Variants in EP400 observed in about 807,000 individuals in gnomAD.
EP400 encodes the protein E1A-binding protein p400.
EP400 carries 105 observed loss-of-function variants against 354.1 expected under a neutral mutation model. The ratio of observed to expected loss-of-function variants is 0.30; its 90% CI spans 0.25 to 0.35. The LOEUF is 0.35. Ranked by LOEUF, EP400 falls within the 10% of genes least tolerant of loss-of-function variation. The pLI is 1.00. For synonymous variants in EP400, 1,646 were observed against 1,716.9 expected, an observed-to-expected ratio of 0.96 and a Z score of 1.02; for missense variants, 3,280 against 4,121.0, an observed-to-expected ratio of 0.80 and a Z score of 5.59.
chr12:131,970,283 T>C (rs1297711452), intron 2 of EP400, among the ~76,000 whole-genome samples: 1 of 152,254 alleles, frequency 6.6e-6, no homozygotes, highest in Non-Finnish European at 1.5e-5. Context: ...TCAGAATTCC[T>C]GTTCCATGCA....
intron 34 of EP400, 92 bp from the exon 35 acceptor site, chr12:132,044,085 T>C: frequency 6.5e-7 from 1 of 1,546,740 alleles, no homozygotes; most frequent in Non-Finnish European, 8.8e-7. Flanking sequence ...AACATGTGGC[T>C]CTGAGACAAC....
chr12:132,074,618 C>T (rs1896175280), intron 51 of EP400, among the ~76,000 whole-genome samples: 2 of 152,212 alleles, frequency 1.3e-5, no homozygotes, highest in Non-Finnish European at 2.9e-5. Flanking sequence ...CCCTGTCCTG[C>T]TTCCTCTGCC....
At chr12:132,042,140 G>A (rs549154462) in intron 32 of EP400, among the ~76,000 whole-genome samples, 1 of 151,848 alleles carries the variant, frequency 6.6e-6, no homozygotes, top group African/African-American at 2.4e-5. Flanking sequence ...TAATAGAGAC[G>A]TGGTTTCTCC....
chr12:132,062,809 A>G, intron 47 of EP400, 108 bp downstream of exon 47: 2 of 1,385,776 alleles, frequency 1.4e-6, no homozygotes, highest in African/African-American at 1.4e-5. Flanking sequence ...GTATTTTGCA[A>G]ACGTCTAGCA....
At chr12:131,963,704 T>A in intron 2 of EP400, 15 of 1,314,992 alleles carry the variant, frequency 1.1e-5, no homozygotes, top group Non-Finnish European at 1.6e-5. Flanking sequence ...CCAGATATTT[T>A]AACCTTCGAT....
chr12:132,001,813 G>C (rs1165639457), intron 12 of EP400, among the ~76,000 whole-genome samples: 1 of 152,140 alleles, frequency 6.6e-6, no homozygotes, highest in Non-Finnish European at 1.5e-5. Context: ...GTATGGGCTG[G>C]CTTTTCCTAG....
At position 132,013,304 on chromosome 12, in the gene EP400, C is replaced by T; in HGVS notation, c.3611+126C>T. On this transcript the variant is annotated intron_variant, in intron 17 of 52. Coordinates refer to ENST00000389561, the MANE Select transcript of EP400 (RefSeq NM_015409.5). The surrounding 1 kb of genome is among the most constrained non-coding windows in gnomAD (Gnocchi z 4.5). ...GAGCTAGAGAATTGCTTTTCATCTT[C>T]ATCCCAGCACATGGGCCAGAGAGCC... 7.0e-7 allele frequency: 1 copy of T among 1,420,922 alleles called. No homozygotes were observed. The highest frequency in any genetic ancestry group is 9.4e-7 in the Non-Finnish European group (1 of 1,064,172). The allele number at this position is 1,420,922 out of a possible 1,614,324, so 88.0% of individuals were successfully genotyped here. A position where few individuals can be genotyped will look rare whatever the true frequency, so the allele number is the denominator to read the frequency against.
At chr12:131,988,432 C>G (rs180967054) in intron 7 of EP400, among the ~76,000 whole-genome samples, 74 of 152,240 alleles carry the variant, frequency 4.9e-4, no homozygotes, top group African/African-American at 1.7e-3. Flanking sequence ...TGGGGCTGTT[C>G]AGGGAGCTGA....
At chr12:131,984,247 G>A (rs1892779504) in intron 5 of EP400, among the ~76,000 whole-genome samples, 1 of 152,134 alleles carries the variant, frequency 6.6e-6, no homozygotes, top group East Asian at 1.9e-4. Flanking sequence ...AGTATATAAC[G>A]ATGAAATAAT....
intron 41 of EP400, among the ~76,000 whole-genome samples, chr12:132,051,960 T>A (rs1242586796): frequency 6.6e-6 from 1 of 152,234 alleles, no homozygotes; most frequent in Admixed American, 6.5e-5. Flanking sequence ...CTGGTGGCCC[T>A]GTCCGGGCAT....
chr12:132,056,426 C>CACACAA, intron 45 of EP400, among the ~76,000 whole-genome samples: 1 of 111,176 alleles, frequency 9.0e-6, no homozygotes, highest in African/African-American at 6.1e-5. Flanking sequence ...ACAACACACG[C>CACACAA]ACACACACAC....
chr12:132,023,645 C>A, intron 23 of EP400, 132 bp from the exon 24 acceptor site: 3 of 696,552 alleles, frequency 4.3e-6, no homozygotes, highest in Non-Finnish European at 4.6e-6. Context: ...GAAAACACTA[C>A]CTGATAAACA....
chr12:131,960,465 C>T, intron 1 of EP400, 120 bp from the exon 2 acceptor site: 2 of 989,834 alleles, frequency 2.0e-6, no homozygotes, highest in Non-Finnish European at 1.5e-6. Flanking sequence ...TGAGTCAGCT[C>T]TGTCGTTTGA....
In EP400 at chr12:132,025,581, C is replaced by T; in HGVS notation, c.4856-65C>T. ...CTTATTTTTGTACTGTTTGGAAGTG[C>T]CTGGAGTGTGTGGCTGTGATGTACA... On this transcript the variant is annotated intron_variant, in intron 24 of 52. Transcript: ENST00000389561. This position sits in a 1 kb window ranked among gnomAD's most constrained non-coding sequence, Gnocchi z 4.1. 6.8e-7 allele frequency: 1 copy of T among 1,468,138 alleles called. No homozygotes were observed. Among genetic ancestry groups the T allele is most frequent in the East Asian group, 2.5e-5 (1 of 40,506 alleles). 90.9% of individuals were successfully genotyped at this position (1,468,138 alleles called of 1,614,324 possible). A position where few individuals can be genotyped will look rare whatever the true frequency, so the allele number is the denominator to read the frequency against.
intron 19 of EP400, 94 bp downstream of exon 19, chr12:132,014,007 G>T: frequency 2.0e-6 from 3 of 1,529,128 alleles, no homozygotes; most frequent in Non-Finnish European, 2.7e-6. Context: ...GCTCCTTTCC[G>T]CAAGGATTGG....
rs1165502258 is a variant in EP400, at chr12:132,020,129, C to T, written c.4358C>T (p.Ala1453Val). 1 of 1,611,540 alleles carries T rather than the reference C, an allele frequency of 6.2e-7. No homozygotes were observed. The highest frequency in any genetic ancestry group is 8.5e-7 in the Non-Finnish European group (1 of 1,179,028). The change falls in exon 22 of 53, where the codon GCA (alanine) becomes GTA (valine). Residue 1453 changes from alanine to valine, a missense_variant. By Grantham distance (64) the Ala-to-Val change is moderately conservative. Transcript: ENST00000389561. ...CCCAGCACTCACCCGCCCCGGACGG[C>T]AGCCCCCACCACGGCCTCTGCTGCT... ...AFPSTHPPRTAAPTTASAAPQ... is the reference protein window; with the variant it reads ...AFPSTHPPRTVAPTTASAAPQ...
Position 132,021,131 on chromosome 12 carries a change from C to T in EP400, c.4500C>T (p.His1500=). ...TSQASASAPR[H]QPASASSTAA... ...AGGCTTCCGCCAGTGCTCCACGACA[C>T]CAGCCCGCCTCGGCCTCCAGCACAG... Residue 1500 remains histidine (H), a synonymous_variant, in exon 23 of 53, where the codon CAC becomes CAT. Coordinates refer to ENST00000389561, the MANE Select transcript of EP400 (RefSeq NM_015409.5). The T allele has an allele frequency of 6.2e-6, 10 of 1,600,278 alleles. No individual in the cohort carries two copies. Among genetic ancestry groups the T allele is most frequent in the South Asian group, 4.4e-5 (4 of 91,054 alleles).
chr12:132,074,068 G>A (rs930797497), intron 51 of EP400, among the ~76,000 whole-genome samples: 1 of 151,428 alleles, frequency 6.6e-6, no homozygotes, highest in African/African-American at 2.4e-5. Flanking sequence ...GGGACTACAG[G>A]CACACACCAC....
chr12:131,985,078 A>C (rs534631461), intron 5 of EP400, among the ~76,000 whole-genome samples: 282 of 151,820 alleles, frequency 1.9e-3, no homozygotes, highest in Non-Finnish European at 3.5e-3. Flanking sequence ...CTGGTCTGAA[A>C]CTCCTAACCT....
Sources: allele counts gnomAD v4.1 joint callset (sites outside exome capture counted in the v4.1 genomes callset), GRCh38; gene constraint gnomAD v4.1.1; non-coding constraint Gnocchi (gnomAD v3.1); transcripts MANE v1.5; gene names NCBI Gene and HGNC (gene_info 2026-07-23, HGNC 2026-07-21).